NUP210: variants seen among roughly 807,000 people sequenced by gnomAD.
NUP210 encodes the protein nucleoporin 210.
In NUP210, 151 loss-of-function variants were observed where a neutral mutation model predicts 196.0. That is an observed-to-expected ratio of 0.77 (90% CI 0.67 to 0.88). NUP210 has a LOEUF of 0.88. Ranked by LOEUF, NUP210 falls within the 40% of genes least tolerant of loss-of-function variation. The pLI is 0.00. For synonymous variants in NUP210, 1,070 were observed against 1,052.7 expected (o/e 1.02, Z -0.32); for missense variants, 2,314 against 2,493.7 (o/e 0.93, Z 1.53).
chr3:13,350,225 TGTGTGTG>T lies in NUP210; in HGVS notation c.2835+1647_2835+1653del. 7.6e-6 allele frequency among the ~76,000 whole-genome samples: 1 copy of T among 131,340 alleles called. No homozygotes were observed. The highest frequency in any genetic ancestry group is 3.6e-5 in the African/African-American group (1 of 28,142). 86.2% of individuals were successfully genotyped at this position (131,340 alleles called of 152,430 possible). On this transcript the variant is annotated intron_variant, in intron 20 of 39. Coordinates refer to ENST00000254508, the MANE Select transcript of NUP210 (RefSeq NM_024923.4). The surrounding 1 kb of genome is among the most constrained non-coding windows in gnomAD (Gnocchi z 4.1). ...TCAGCAAAATAACACAGCCTGTGTG[TGTGTGTG>T]TTCAGCAAAATAACACAGCCTGTGT...
intron 27 of NUP210, among the ~76,000 whole-genome samples, 182 bp from the exon 28 acceptor site, chr3:13,335,794 C>T (rs911822889): frequency 1.1e-4 from 17 of 152,246 alleles, no homozygotes; most frequent in African/African-American, 1.2e-4. Flanking sequence ...TGTGCAGACC[C>T]GGCTTCCCCA....
intron 18 of NUP210, 60 bp from the exon 19 acceptor site, chr3:13,352,244 A>G: frequency 7.6e-7 from 1 of 1,311,792 alleles, no homozygotes; most frequent in Non-Finnish European, 1.1e-6. Flanking sequence ...GCCCCTCGGG[A>G]AGAACAGGCC....
In NUP210 at chr3:13,366,069, C is replaced by T. The variant is rs1576387597; in HGVS notation, c.1809G>A (p.Glu603=). The stretch of plus-strand genomic sequence containing the variant: ...CCTTTACCCGGATGCCGCTGCAGTG[C>T]TCAGAGCCTGGCGGCAGCCTCCCTA... ...PLPGRLPPGS[E]HCSGIRVKAE... Residue 603 remains glutamate, a synonymous_variant, in exon 14 of 40, where the codon GAG becomes GAA. Coordinates refer to ENST00000254508, the MANE Select transcript of NUP210 (RefSeq NM_024923.4). 1.9e-6 allele frequency: 3 copies of T among 1,614,048 alleles called. No homozygotes were observed. The highest frequency in any genetic ancestry group is 2.2e-5 in the East Asian group (1 of 44,870).
chr3:13,341,963 A>T lies in NUP210; in HGVS notation c.3092+33T>A, dbSNP rs1432469533. On this transcript the variant is annotated intron_variant, in intron 22 of 39. Transcript: ENST00000254508. ...GCAGCTGGGGTCAGCACTGTCTCTG[A>T]GGTGCCCTCCTCTGACCCCTAGGAG... is the stretch of plus-strand genomic sequence containing the variant. 3.1e-6 allele frequency: 5 copies of T among 1,613,716 alleles called. No individual in the cohort carries two copies. In the African/African-American group the frequency reaches 6.7e-5, roughly 22 times the overall value.
At position 13,339,741 on chromosome 3, in the gene NUP210, G is replaced by A. The variant is rs1021889850; in HGVS notation, c.3471+113C>T. The A allele has an allele frequency of 1.4e-5, 14 of 966,722 alleles. No homozygotes were observed. In the African/African-American group the frequency reaches 2.2e-4, roughly 15 times the overall value. 59.9% of individuals were successfully genotyped at this position (966,722 alleles called of 1,614,324 possible). ...CCCCTGCAGTGACTGCAGACCCAGG[G>A]GGCAGAAGCAGCACCCTTGGAGAGG... On this transcript the variant is annotated intron_variant, in intron 25 of 39. Coordinates refer to ENST00000254508, the MANE Select transcript of NUP210 (RefSeq NM_024923.4).
chr3:13,380,099 G>C (rs1699052920), intron 6 of NUP210, among the ~76,000 whole-genome samples: 1 of 152,092 alleles, frequency 6.6e-6, no homozygotes, highest in South Asian at 2.1e-4. Flanking sequence ...AGCCTCTAGG[G>C]GTTTCCCAAG....
In NUP210 at chr3:13,319,920, G is replaced by A; in HGVS notation, c.5226C>T (p.Pro1742=). 1 of 1,614,172 alleles carries A rather than the reference G, an allele frequency of 6.2e-7. No individual in the cohort carries two copies. Among genetic ancestry groups the A allele is most frequent in the South Asian group, 1.1e-5 (1 of 91,084 alleles). The change falls in exon 37 of 40, where the codon CCC becomes CCT. Residue 1742 remains proline (P), a synonymous_variant. Coordinates refer to ENST00000254508, the MANE Select transcript of NUP210 (RefSeq NM_024923.4). ...CGCCGACCGTGTATGTGATGAAGCT[G>A]GGCCACCCAAAAGACTTCTCCTTTG... The part of the protein sequence containing the change: ...AFAKEKSFGW[P]SFITYTVGVL...
intron 13 of NUP210, among the ~76,000 whole-genome samples, chr3:13,368,667 T>A (rs1011276749): frequency 6.6e-6 from 1 of 152,220 alleles, no homozygotes; most frequent in Non-Finnish European, 1.5e-5. Flanking sequence ...CTCATACAAG[T>A]GGGATCATAG....
chr3:13,379,812 C>A lies in NUP210; in HGVS notation c.818-91G>T. On this transcript the variant is annotated intron_variant, in intron 6 of 39. Transcript: ENST00000254508. The surrounding 1 kb of genome is among the most constrained non-coding windows in gnomAD (Gnocchi z 4.2). Reference sequence around the variant, plus strand: ...ATACACTCCCACTGCCACCCCGAATCTCTGCACTCTGCTCTCAGTACAGCT... The same window carrying A: ...ATACACTCCCACTGCCACCCCGAATATCTGCACTCTGCTCTCAGTACAGCT... The A allele has an allele frequency of 9.2e-7, 1 of 1,084,766 alleles. No individual in the cohort carries two copies. The highest frequency in any genetic ancestry group is 1.3e-6 in the Non-Finnish European group (1 of 763,346). The allele number at this position is 1,084,766 out of a possible 1,614,324, so 67.2% of individuals were successfully genotyped here.
At chr3:13,346,397 G>A (rs1697730255) in intron 20 of NUP210, among the ~76,000 whole-genome samples, 1 of 152,228 alleles carries the variant, frequency 6.6e-6, no homozygotes. Context: ...TGACACATGG[G>A]AGAATGTTTG....
chr3:13,360,506 G>A lies in NUP210; in HGVS notation c.1933-15C>T, dbSNP rs1162555969. 6.3e-7 allele frequency: 1 copy of A among 1,590,414 alleles called. No homozygotes were observed. Among genetic ancestry groups the A allele is most frequent in the East Asian group, 2.3e-5 (1 of 44,308 alleles). On this transcript the variant is annotated splice_polypyrimidine_tract_variant and intron_variant, in intron 14 of 39. Coordinates refer to ENST00000254508, the MANE Select transcript of NUP210 (RefSeq NM_024923.4). Reference sequence around the variant, plus strand: ...GGATCCACAGCCTGGGGACAGAAGAGGCAGAAGACTTGGCATTCTTCTAAG... The same window carrying A: ...GGATCCACAGCCTGGGGACAGAAGAAGCAGAAGACTTGGCATTCTTCTAAG...
Position 13,399,741 on chromosome 3 carries a change from G to C in NUP210, c.288C>G (p.Ile96Met). ...AGCCCTTACTGATGTCCTCTGCGAA[G>C]ATGATGCTGGTGAGGCGGGCAGGCT... ...LTQPARLTSI[I>M]FAEDITTGQV... The change falls in exon 2 of 40, where the codon ATC (isoleucine) becomes ATG (methionine). Residue 96 changes from isoleucine to methionine, a missense_variant. Coordinates refer to ENST00000254508, the MANE Select transcript of NUP210 (RefSeq NM_024923.4). The C allele has an allele frequency of 5.0e-6, 8 of 1,614,180 alleles. No homozygotes were observed. The highest frequency in any genetic ancestry group is 5.9e-6 in the Non-Finnish European group (7 of 1,180,008).
chr3:13,415,665 T>C (rs927120712), intron 1 of NUP210, among the ~76,000 whole-genome samples: 11 of 152,142 alleles, frequency 7.2e-5, no homozygotes, highest in Non-Finnish European at 1.5e-4. Context: ...CTCCCTCTTT[T>C]GGGTTGTTTC....
chr3:13,363,430 C>A (rs1482725451), intron 14 of NUP210, among the ~76,000 whole-genome samples: 1 of 152,234 alleles, frequency 6.6e-6, no homozygotes, highest in East Asian at 1.9e-4. Context: ...TGCGAAGGAG[C>A]TGTGTGTTCT....
chr3:13,412,729 A>C (rs1045803027), intron 1 of NUP210, among the ~76,000 whole-genome samples: 1 of 151,102 alleles, frequency 6.6e-6, no homozygotes, highest in Admixed American at 6.6e-5. Flanking sequence ...AAAAAAAAAA[A>C]GGGAGGCTGA....
intron 20 of NUP210, chr3:13,351,538 G>A (rs1163826509): frequency 4.8e-6 from 1 of 206,742 alleles, no homozygotes; most frequent in African/African-American, 2.3e-5. Flanking sequence ...CTGTTGCCCA[G>A]GCTGGAGCAT....
In NUP210 at chr3:13,379,110, C is replaced by A; in HGVS notation, c.977-130G>T. On this transcript the variant is annotated intron_variant, in intron 7 of 39. Coordinates refer to ENST00000254508, the MANE Select transcript of NUP210 (RefSeq NM_024923.4). This position sits in a 1 kb window ranked among gnomAD's most constrained non-coding sequence, Gnocchi z 4.2. ...AGAAGAAGAGGGGATGAAAACTCCC[C>A]TGGCTTAGGCCACGTAGAGCAAAGG... 1 of 797,202 alleles carries A rather than the reference C, an allele frequency of 1.3e-6. No homozygotes were observed. The allele number at this position is 797,202 out of a possible 1,614,324, so 49.4% of individuals were successfully genotyped here.
Position 13,343,321 on chromosome 3 carries a change from A to T in NUP210, c.2836-18T>A. ...GGGTGCACCTGCAAGGTTGGGGCGG[A>T]GGTGGAGGGGTGGGTGGTGGGTTAC... On this transcript the variant is annotated intron_variant, in intron 20 of 39. Transcript: ENST00000254508. 6 of 209,384 alleles carry T rather than the reference A, an allele frequency of 2.9e-5. No homozygotes were observed. The highest frequency in any genetic ancestry group is 1.2e-4 in the African/African-American group (1 of 8,692). 13.0% of individuals were successfully genotyped at this position (209,384 alleles called of 1,614,324 possible). A position where few individuals can be genotyped will look rare whatever the true frequency, so the allele number is the denominator to read the frequency against.
chr3:13,407,122 C>T (rs923380868), intron 1 of NUP210, among the ~76,000 whole-genome samples: 6 of 152,194 alleles, frequency 3.9e-5, no homozygotes, highest in African/African-American at 1.4e-4. Flanking sequence ...ATACAAAGCA[C>T]TGGGCTGGGA....
Sources: allele counts gnomAD v4.1 joint callset (sites outside exome capture counted in the v4.1 genomes callset), GRCh38; gene constraint gnomAD v4.1.1; non-coding constraint Gnocchi (gnomAD v3.1); transcripts MANE v1.5; gene names NCBI Gene and HGNC (gene_info 2026-07-23, HGNC 2026-07-21).